The following CEP350 variants were observed in gnomAD, a reference collection of about 807,000 sequenced individuals.
CEP350 encodes the protein centrosomal protein 350.
Under a neutral mutation model 331.8 loss-of-function variants are expected in CEP350, and 126 were observed. That is an observed-to-expected ratio of 0.38 (90% CI 0.33 to 0.44). The LOEUF is 0.44. Ranked by LOEUF, CEP350 falls within the 20% of genes least tolerant of loss-of-function variation. The pLI is 1.00. For missense variants in CEP350, 3,406 were observed against 3,634.6 expected (o/e 0.94, Z 1.62); for synonymous variants, 1,200 against 1,259.5 (o/e 0.95, Z 1.00).
intron 8 of CEP350, among the ~76,000 whole-genome samples, chr1:180,010,973 A>G (rs1009241324): frequency 1.3e-5 from 2 of 151,564 alleles, no homozygotes; most frequent in African/African-American, 2.4e-5. Context: ...TGTAGTTTCT[A>G]TTTTGTAAAC....
At chr1:180,040,409 C>T (rs1656682844) in intron 17 of CEP350, among the ~76,000 whole-genome samples, 1 of 151,998 alleles carries the variant, frequency 6.6e-6, no homozygotes, top group South Asian at 2.1e-4. Flanking sequence ...CACAGCCTTA[C>T]ATACAGCCTT....
rs184965817 is a variant in CEP350 at position 180,072,549 on chromosome 1, G to A, written c.5568-2473G>A. 4.9e-3 allele frequency among the ~76,000 whole-genome samples: 752 copies of A among 152,250 alleles called. 2 individuals are homozygous for A. The highest frequency in any genetic ancestry group is 7.9e-3 in the Non-Finnish European group (537 of 67,990). Reference sequence around the variant, plus strand: ...TTGTACGTTCATAAAGAATGGCAAGGAAGATTGTAATGTCTTAACTTGAAA... The same window carrying A: ...TTGTACGTTCATAAAGAATGGCAAGAAAGATTGTAATGTCTTAACTTGAAA... On this transcript the variant is annotated intron_variant, in intron 27 of 37. Transcript: ENST00000367607.
Position 179,996,627 on chromosome 1 carries a change from A to G in CEP350, c.470A>G (p.Asn157Ser), listed in dbSNP as rs1443608160. 3 of 1,610,856 alleles carry G rather than the reference A, an allele frequency of 1.9e-6. No homozygotes were observed. The highest frequency in any genetic ancestry group is 2.2e-5 in the East Asian group (1 of 44,810). Residue 157 changes from asparagine to serine, a missense_variant, in exon 6 of 38, where the codon AAT becomes AGT. Transcript: ENST00000367607. ...AAGCACGTATACTGTGTAGATGTTA[A>G]TGAAGAAAAGACTGAGAGCGGTAAC... ...ESKHVYCVDV[N>S]EEKTESGNWM...
At chr1:179,972,316 A>G (rs1399842686) in intron 1 of CEP350, among the ~76,000 whole-genome samples, 1 of 152,124 alleles carries the variant, frequency 6.6e-6, no homozygotes, top group Non-Finnish European at 1.5e-5. Flanking sequence ...CCTGAACTTC[A>G]AGGTTTAAAA....
rs1473796165 is a variant in CEP350 at position 180,059,762 on chromosome 1, C to G, written c.5263-2458C>G. Among the ~76,000 whole-genome samples the G allele has an allele frequency of 2.0e-5, 3 of 152,006 alleles. No individual in the cohort carries two copies. In the East Asian group the frequency reaches 5.8e-4, roughly 29 times the overall value. On this transcript the variant is annotated intron_variant, in intron 25 of 37. Coordinates refer to ENST00000367607, the MANE Select transcript of CEP350 (RefSeq NM_014810.5). ...TATCCCTGTCACTTCAAATAAATAA[C>G]TGACAATATATGTTGCCAATGATAA...
At chr1:179,973,893 C>G (rs903807130) in intron 1 of CEP350, among the ~76,000 whole-genome samples, 1 of 151,768 alleles carries the variant, frequency 6.6e-6, no homozygotes, top group Non-Finnish European at 1.5e-5. Context: ...CTCTTTCTTT[C>G]TTATGAGTGG....
intron 19 of CEP350, among the ~76,000 whole-genome samples, chr1:180,042,455 A>G (rs775605828): frequency 1.3e-5 from 2 of 152,252 alleles, no homozygotes; most frequent in African/African-American, 2.4e-5. Context: ...ACTATTTGTA[A>G]AATGACTTAG....
In CEP350 at chr1:180,024,662, TAAG is replaced by T. The variant is rs1655551544; in HGVS notation, c.3550+84_3550+86del. The stretch of plus-strand genomic sequence containing the variant: ...AATCTAAAGTTATGATTTGATTGCA[TAAG>T]AAGTTAGAAGAATTTCTTATGGTAA... On this transcript the variant is annotated intron_variant, in intron 14 of 37. Coordinates refer to ENST00000367607, the MANE Select transcript of CEP350 (RefSeq NM_014810.5). The T allele has an allele frequency of 4.9e-6, 7 of 1,415,338 alleles. No individual in the cohort carries two copies. The South Asian group carries it at 6.2e-5, about 12-fold the overall frequency. 87.7% of individuals were successfully genotyped at this position (1,415,338 alleles called of 1,614,324 possible).
At chr1:180,041,953 C>T (rs1203721292) in intron 19 of CEP350, 151 bp downstream of exon 19, 1 of 248,430 alleles carries the variant, frequency 4.0e-6, no homozygotes, top group East Asian at 1.8e-4. Context: ...AAATAAGAGG[C>T]ACCATTGATT....
chr1:179,988,519 T>G (rs1193800693), intron 3 of CEP350, among the ~76,000 whole-genome samples: 1 of 152,156 alleles, frequency 6.6e-6, no homozygotes, highest in Non-Finnish European at 1.5e-5. Flanking sequence ...AGTTACTTCT[T>G]TTTTGTATCA....
intron 8 of CEP350, among the ~76,000 whole-genome samples, chr1:180,007,359 A>C (rs888020538): frequency 1.3e-5 from 2 of 152,144 alleles, no homozygotes; most frequent in African/African-American, 4.8e-5. Context: ...TCTAATGACC[A>C]GTGATGATGG....
At position 180,096,109 on chromosome 1, in the gene CEP350, C is replaced by G. The variant is rs769292403; in HGVS notation, c.8991C>G (p.Val2997=). Residue 2997 remains valine, a synonymous_variant, in exon 36 of 38, where the codon GTC becomes GTG. Transcript: ENST00000367607. ...FAEDPNLNQP[V]WMKPCRINSS... ...AGGATCCCAACTTAAATCAACCTGT[C>G]TGGATGAAGCCATGTAGAATCAACT... 1.1e-5 allele frequency: 17 copies of G among 1,561,424 alleles called. No homozygotes were observed. The highest frequency in any genetic ancestry group is 1.4e-5 in the African/African-American group (1 of 73,762).
intron 12 of CEP350, among the ~76,000 whole-genome samples, chr1:180,022,457 A>T (rs10442618): frequency 0.12 from 18,886 of 152,164 alleles, 1,245 homozygotes; most frequent in South Asian, 0.16. Flanking sequence ...TTGTTGAAGC[A>T]GGATGATGAA....
At chr1:180,082,247 A>G (rs1465871555) in intron 30 of CEP350, among the ~76,000 whole-genome samples, 1 of 152,232 alleles carries the variant, frequency 6.6e-6, no homozygotes. Flanking sequence ...TTAGAAAAGT[A>G]GCTCTGAGGT....
At position 180,094,185 on chromosome 1, in the gene CEP350, T is replaced by C; in HGVS notation, c.8080T>C (p.Leu2694=). 6.2e-7 allele frequency: 1 copy of C among 1,613,416 alleles called. No homozygotes were observed. Among genetic ancestry groups the C allele is most frequent in the Non-Finnish European group, 8.5e-7 (1 of 1,179,616 alleles). ...TTTAGACAATACCTTTTCCGAAGAATTGGAGAAGCAACAGCAGTTTACAGA... is the reference window on the plus strand; with the variant it reads ...TTTAGACAATACCTTTTCCGAAGAACTGGAGAAGCAACAGCAGTTTACAGA... The part of the protein sequence containing the change: ...DTLDNTFSEE[L]EKQQQFTEEE... Residue 2694 remains leucine, a synonymous_variant, in exon 34 of 38, where the codon TTG becomes CTG. Coordinates refer to ENST00000367607, the MANE Select transcript of CEP350 (RefSeq NM_014810.5).
chr1:180,004,898 G>GCTTTCTTTCTTTCTTT (rs1491096254), intron 7 of CEP350, among the ~76,000 whole-genome samples: 23 of 121,468 alleles, frequency 1.9e-4, no homozygotes, highest in South Asian at 1.0e-3. Context: ...TTGCTTGCTT[G>GCTTTCTTTCTTTCTTT]CTTGCTTGCT....
intron 37 of CEP350, among the ~76,000 whole-genome samples, chr1:180,109,536 T>A (rs1043110108): frequency 1.3e-5 from 2 of 152,198 alleles, no homozygotes; most frequent in Admixed American, 1.3e-4. Flanking sequence ...TGCAATTAAC[T>A]TTGCTGAATT....
rs1312174915 is a variant in CEP350, at chr1:180,110,951, T to G, written c.9190-46T>G. 3 of 1,541,524 alleles carry G rather than the reference T, an allele frequency of 1.9e-6. No individual in the cohort carries two copies. In the East Asian group the frequency reaches 6.8e-5, roughly 35 times the overall value. ...AAGTCAGCAATTATATTTTCTAGCT[T>G]TTGTATGACAGGAATTTTCTAACCT... On this transcript the variant is annotated intron_variant, in intron 37 of 37. Transcript: ENST00000367607.
At chr1:180,025,025 T>G (rs4639713) in intron 14 of CEP350, among the ~76,000 whole-genome samples, 4 of 151,040 alleles carry the variant, frequency 2.6e-5, no homozygotes, top group Non-Finnish European at 5.9e-5. Flanking sequence ...CCCAGGTTCA[T>G]GCCATTCTCC....
Sources: allele counts gnomAD v4.1 joint callset (sites outside exome capture counted in the v4.1 genomes callset), GRCh38; gene constraint gnomAD v4.1.1; transcripts MANE v1.5; gene names NCBI Gene and HGNC (gene_info 2026-07-23, HGNC 2026-07-21).